CHD9NB: variants seen among roughly 807,000 people sequenced by gnomAD.
The protein encoded by CHD9NB is CHD9 neighbor.
At chr16:53,047,802 A>T in the CHD9NB span, among the ~76,000 whole-genome samples, 1 of 152,132 alleles carries the variant, frequency 6.6e-6, no homozygotes, top group Non-Finnish European at 1.5e-5. Flanking sequence ...GTTCAAGACC[A>T]GTCTGGTCAA....
At chr16:53,036,659 C>T in the CHD9NB span, among the ~76,000 whole-genome samples, 72 of 152,314 alleles carry the variant, frequency 4.7e-4, 1 homozygote, top group South Asian at 5.8e-3. Context: ...GAACCACTTG[C>T]TATGTGGGCT....
chr16:53,039,630 AG>A, the CHD9NB span, among the ~76,000 whole-genome samples: 1 of 152,054 alleles, frequency 6.6e-6, no homozygotes, highest in Non-Finnish European at 1.5e-5. Flanking sequence ...CTGTAATTCC[AG>A]CTACTTGGGA....
the CHD9NB span, among the ~76,000 whole-genome samples, chr16:53,046,299 A>C: frequency 2.6e-5 from 4 of 152,068 alleles, no homozygotes; most frequent in African/African-American, 9.6e-5. Context: ...AAGGTGAGAA[A>C]CCCTAGGATT....
the CHD9NB span, among the ~76,000 whole-genome samples, chr16:53,040,000 A>G: frequency 6.6e-6 from 1 of 152,096 alleles, no homozygotes; most frequent in African/African-American, 2.4e-5. Flanking sequence ...CTGCCGAAAG[A>G]CACCCCACTG....
chr16:53,051,960 C>T, the CHD9NB span, among the ~76,000 whole-genome samples: 1 of 151,270 alleles, frequency 6.6e-6, no homozygotes, highest in African/African-American at 2.4e-5. Context: ...TTGCTAACTC[C>T]TCTACCTAGG....
the CHD9NB span, among the ~76,000 whole-genome samples, chr16:53,049,300 C>T: frequency 5.9e-4 from 89 of 150,912 alleles, no homozygotes; most frequent in African/African-American, 2.0e-3. Context: ...GAACTACAGG[C>T]GTGTGCCACC....
the CHD9NB span, among the ~76,000 whole-genome samples, chr16:53,045,371 C>CAT: frequency 6.6e-6 from 1 of 152,178 alleles, no homozygotes; most frequent in African/African-American, 2.4e-5. Flanking sequence ...ATCTGGGACA[C>CAT]ATGGGTAAAG....
chr16:53,043,287 T>G, the CHD9NB span: 4 of 152,188 alleles, frequency 2.6e-5, no homozygotes, highest in Non-Finnish European at 5.9e-5. Context: ...GGAAGAGATA[T>G]GTGAATGTTA....
the CHD9NB span, among the ~76,000 whole-genome samples, chr16:53,051,765 A>T: frequency 4.1e-3 from 284 of 69,254 alleles, no homozygotes; most frequent in Admixed American, 7.6e-3. Context: ...ACTTAAAAGT[A>T]TAAATATATA....
At chr16:53,036,912 G>A in the CHD9NB span, among the ~76,000 whole-genome samples, 6 of 152,020 alleles carry the variant, frequency 3.9e-5, no homozygotes, top group South Asian at 4.2e-4. Flanking sequence ...AGTGTTTCCC[G>A]GGCAGCTGTC....
the CHD9NB span, among the ~76,000 whole-genome samples, chr16:53,051,631 AG>A: frequency 6.5e-5 from 5 of 77,226 alleles, no homozygotes; most frequent in Non-Finnish European, 1.2e-4. Flanking sequence ...GGGTAGGGGG[AG>A]GGGGGAGGGA....
the CHD9NB span, among the ~76,000 whole-genome samples, chr16:53,037,214 G>A: frequency 3.3e-5 from 5 of 152,184 alleles, no homozygotes; most frequent in East Asian, 1.9e-4. Context: ...GATTACAGGC[G>A]TGAGCCACTG....
At chr16:53,045,023 A>T in the CHD9NB span, among the ~76,000 whole-genome samples, 26 of 152,070 alleles carry the variant, frequency 1.7e-4, no homozygotes, top group East Asian at 5.0e-3. Context: ...TGCAGCCTCA[A>T]CCTAGGCTCA....
chr16:53,051,169 G>A, the CHD9NB span, among the ~76,000 whole-genome samples: 129 of 151,862 alleles, frequency 8.5e-4, no homozygotes, highest in African/African-American at 3.0e-3. Context: ...TTATAGGTGT[G>A]AGCCACTGCC....
At chr16:53,044,339 T>TGGGCA in the CHD9NB span, 1 of 394,376 alleles carries the variant, frequency 2.5e-6, no homozygotes, top group South Asian at 1.4e-4. Context: ...CCCTGTGGGG[T>TGGGCA]GGGCAGGGCC....
chr16:53,036,883 C>G, the CHD9NB span, among the ~76,000 whole-genome samples: 1 of 152,174 alleles, frequency 6.6e-6, no homozygotes, highest in Non-Finnish European at 1.5e-5. Context: ...GAATGGAACA[C>G]TGCCCAAGCC....
chr16:53,048,954 A>T, the CHD9NB span, among the ~76,000 whole-genome samples: 1 of 152,222 alleles, frequency 6.6e-6, no homozygotes, highest in Non-Finnish European at 1.5e-5. Flanking sequence ...ACAGAGCAGG[A>T]TGGAGAGTGG....
At chr16:53,047,558 C>G in the CHD9NB span, among the ~76,000 whole-genome samples, 1 of 152,176 alleles carries the variant, frequency 6.6e-6, no homozygotes, top group African/African-American at 2.4e-5. Context: ...AAAGAGAAAG[C>G]TCTGATATCC....
the CHD9NB span, among the ~76,000 whole-genome samples, chr16:53,048,661 T>C: frequency 6.6e-6 from 1 of 152,226 alleles, no homozygotes; most frequent in Non-Finnish European, 1.5e-5. Context: ...AGTTCCATTT[T>C]GGGTGCTGTG....
Sources: gnomAD v4.1 joint callset for allele counts (sites outside exome capture counted in the v4.1 genomes callset) on GRCh38, gnomAD v4.1.1 for gene constraint, MANE v1.5 for transcripts, NCBI Gene and HGNC (gene_info 2026-07-23, HGNC 2026-07-21) for gene names.